The following TNC variants were observed in gnomAD, a reference collection of about 807,000 sequenced individuals.
The protein encoded by TNC is tenascin C, also known as tenascin.
Under a neutral mutation model 202.4 loss-of-function variants are expected in TNC, and 109 were observed. The ratio of observed to expected loss-of-function variants is 0.54; its 90% confidence interval spans 0.46 to 0.63. The LOEUF (loss-of-function observed/expected upper bound fraction) is 0.63, where lower values mean the gene tolerates loss of function less well. Ranked by LOEUF, TNC falls within the 30% of genes least tolerant of loss-of-function variation. The probability of loss-of-function intolerance (pLI) is 0.00; values close to 1 mark genes in which losing one functional copy is unlikely to be tolerated. For missense variants in TNC, 2,756 were observed against 2,833.3 expected (o/e 0.97, Z 0.62); for synonymous variants, 1,007 against 1,089.7 (o/e 0.92, Z 1.50).
rs1479210555 is a variant in TNC, at chr9:115,028,273, C to T, written c.6169+1087G>A. On this transcript the variant is annotated intron_variant, in intron 25 of 27. Transcript: ENST00000350763. ...TGCAGCATTCTTTCTTTCTAATAAA[C>T]GTTCCTTTTTCAAACCTATACTGTT... Among the ~76,000 whole-genome samples, 3 of 152,244 alleles carry T rather than the reference C, an allele frequency of 2.0e-5. 1 individual carries two copies. The highest frequency in any genetic ancestry group is 4.1e-4 in the South Asian group (2 of 4,826).
chr9:115,087,527 G>GGTGTGTGTGTGTGTGTGT (rs57327715), intron 2 of TNC, among the ~76,000 whole-genome samples: 3 of 148,844 alleles, frequency 2.0e-5, no homozygotes, highest in South Asian at 4.4e-4. Context: ...TATGCATAGG[G>GGTGTGTGTGTGTGTGTGT]GTGTGTGTGT....
chr9:115,076,723 G>T, intron 7 of TNC, 148 bp from the exon 8 acceptor site: 1 of 893,292 alleles, frequency 1.1e-6, no homozygotes, highest in Non-Finnish European at 1.7e-6. Context: ...CATAGTGGAT[G>T]TGCAAATCTA....
At chr9:115,065,120 G>A (rs556446701) in intron 10 of TNC, among the ~76,000 whole-genome samples, 2 of 152,304 alleles carry the variant, frequency 1.3e-5, no homozygotes, top group South Asian at 2.1e-4. Context: ...TTGTGGCCGG[G>A]CATGGTGGCT....
chr9:115,074,287 C>T (rs1016503419), intron 9 of TNC, among the ~76,000 whole-genome samples: 1 of 152,194 alleles, frequency 6.6e-6, no homozygotes, highest in African/African-American at 2.4e-5. Flanking sequence ...ATGTTGAAAC[C>T]TAATCCCCAA....
In TNC at chr9:115,048,560, T is replaced by C. The variant is rs761780658; in HGVS notation, c.4580-28A>G. 13 of 1,597,510 alleles carry C rather than the reference T, an allele frequency of 8.1e-6. No homozygotes were observed. The East Asian group carries it at 2.5e-4, about 30-fold the overall frequency. ...GAAAGAAGGGAGGAGTGAAAATAAC[T>C]CAGGTTAGCAGCACTGACTCTGTCA... On this transcript the variant is annotated intron_variant, in intron 15 of 27. Coordinates refer to ENST00000350763, the MANE Select transcript of TNC (RefSeq NM_002160.4).
At position 115,023,961 on chromosome 9, in the gene TNC, C is replaced by T. The variant is rs372583048; in HGVS notation, c.6495+12G>A. On this transcript the variant is annotated intron_variant, in intron 27 of 27. Coordinates refer to ENST00000350763, the MANE Select transcript of TNC (RefSeq NM_002160.4). ...AAGCTTGGCCTGCTCTGGGCCCTCACGGTCCACTCACCTGACTGTGGTTAT... is the reference window on the plus strand; with the variant it reads ...AAGCTTGGCCTGCTCTGGGCCCTCATGGTCCACTCACCTGACTGTGGTTAT... 18 of 1,611,306 alleles carry T rather than the reference C, an allele frequency of 1.1e-5. No homozygotes were observed. Among genetic ancestry groups the T allele is most frequent in the Admixed American group, 3.3e-5 (2 of 59,942 alleles).
At chr9:115,046,379 TTC>T (rs1430186395) in intron 17 of TNC, 29 bp downstream of exon 17, 1 of 1,607,846 alleles carries the variant, frequency 6.2e-7, no homozygotes, top group Admixed American at 1.7e-5. Flanking sequence ...GTCATGACTT[TTC>T]TCTGTTCTCT....
chr9:115,026,770 C>T (rs57060600), intron 25 of TNC, 75 bp from the exon 26 acceptor site: 17,107 of 1,496,990 alleles, frequency 0.011, 723 homozygotes, highest in Admixed American at 0.11. Flanking sequence ...TCTGTAAAAG[C>T]GGCAACTGGG....
chr9:115,035,468 T>A, intron 21 of TNC, 134 bp from the exon 22 acceptor site: 2 of 900,704 alleles, frequency 2.2e-6, no homozygotes, highest in South Asian at 1.8e-5. Context: ...AAGAACTTCC[T>A]CTGTATAAAT....
chr9:115,060,092 A>G, intron 13 of TNC, 90 bp from the exon 14 acceptor site: 1 of 1,352,994 alleles, frequency 7.4e-7, no homozygotes, highest in South Asian at 1.6e-5. Context: ...GAAAGAGAGA[A>G]AGGGGAAAGA....
intron 19 of TNC, among the ~76,000 whole-genome samples, chr9:115,040,529 T>C (rs1229550080): frequency 6.6e-6 from 1 of 152,234 alleles, no homozygotes; most frequent in Non-Finnish European, 1.5e-5. Context: ...CAGCTTCATG[T>C]GATCCTTACC....
Position 115,063,838 on chromosome 9 carries a change from G to A in TNC, c.3718C>T (p.Gln1240Ter). Residue 1240 changes from glutamine (Q) to a stop codon, truncating the protein, a stop_gained, in exon 12 of 28, where the codon CAG becomes TAG. Coordinates refer to ENST00000350763, the MANE Select transcript of TNC (RefSeq NM_002160.4). LOFTEE classifies it high-confidence loss of function. ...GAGAGAGGGGTTGTGCTGAAGTCCT[G>A]AGTGACCCCGCGGATGGTGATGGTA... ...HYTITIRGVTQDFSTTPLSVE... is the reference protein window; with the variant it reads ...HYTITIRGVT The A allele has an allele frequency of 6.2e-7, 1 of 1,614,170 alleles. No homozygotes were observed. The highest frequency in any genetic ancestry group is 8.5e-7 in the Non-Finnish European group (1 of 1,180,008).
chr9:115,073,538 G>C, intron 10 of TNC, 65 bp downstream of exon 10: 3 of 1,560,654 alleles, frequency 1.9e-6, no homozygotes, highest in Non-Finnish European at 2.6e-6. Context: ...AGGACACCCT[G>C]GCTGAGGAGA....
intron 22 of TNC, among the ~76,000 whole-genome samples, chr9:115,032,074 G>A (rs1188514201): frequency 1.3e-5 from 2 of 152,194 alleles, no homozygotes; most frequent in African/African-American, 4.8e-5. Flanking sequence ...GCTGAGCCAT[G>A]GGGCCCAGAT....
chr9:115,069,799 C>T, intron 10 of TNC, among the ~76,000 whole-genome samples: 1 of 107,092 alleles, frequency 9.3e-6, no homozygotes, highest in Non-Finnish European at 2.0e-5. Context: ...TTCCTTCCTT[C>T]CTCCCTTCCT....
chr9:115,076,191 G>T (rs1050051435), intron 8 of TNC, 70 bp from the exon 9 acceptor site: 2 of 1,526,504 alleles, frequency 1.3e-6, no homozygotes, highest in East Asian at 2.2e-5. Flanking sequence ...GATAAAAATG[G>T]CTTTGAGTTG....
At position 115,091,009 on chromosome 9, in the gene TNC, T is replaced by C. The variant is rs2133683066; in HGVS notation, c.10A>G (p.Met4Val). The C allele has an allele frequency of 6.2e-7, 1 of 1,610,124 alleles. No individual in the cohort carries two copies. Among genetic ancestry groups the C allele is most frequent in the Non-Finnish European group, 8.5e-7 (1 of 1,179,828 alleles). The change falls in exon 2 of 28, where the codon ATG becomes GTG. Residue 4 changes from methionine (M) to valine (V), a missense_variant. Met to Val is a conservative substitution (Grantham distance 21). Transcript: ENST00000350763. MGA[M>V]TQLLAGVFLA... ...AAGACACCTGCCAACAGCTGAGTCA[T>C]GGCCCCCATGGTGGAGGTGGGTTTG...
At position 115,057,158 on chromosome 9, in the gene TNC, G is replaced by A. The variant is rs776659022; in HGVS notation, c.4574C>T (p.Thr1525Met). 18 of 1,611,632 alleles carry A rather than the reference G, an allele frequency of 1.1e-5. No homozygotes were observed. Among genetic ancestry groups the A allele is most frequent in the Admixed American group, 3.3e-5 (2 of 59,874 alleles). Residue 1525 changes from threonine (T) to methionine (M), a missense_variant, in exon 15 of 28, where the codon ACG becomes ATG. Transcript: ENST00000350763. ...IRTKTISATA[T>M]TEALPLLENL... is the part of the protein sequence containing the mutation. ...ATGGGAGAATGCACATGTACCTGTCGTGGCTGTGGCACTGATGGTTTTGGT... is the reference window on the plus strand; with the variant it reads ...ATGGGAGAATGCACATGTACCTGTCATGGCTGTGGCACTGATGGTTTTGGT...
rs1164173860 is a variant in TNC at position 115,073,869 on chromosome 9, GGGA to G, written c.2951-6_2951-4del. ...AAGGTCCTTGGGCGTGTCCAACTCT[GGGA>G]GGAGAACAGAGAGATGAATGCTCTT... On this transcript the variant is annotated splice_polypyrimidine_tract_variant and splice_region_variant and intron_variant, in intron 9 of 27. Coordinates refer to ENST00000350763, the MANE Select transcript of TNC (RefSeq NM_002160.4). 2 of 1,607,336 alleles carry G rather than the reference GGGA, an allele frequency of 1.2e-6. No individual in the cohort carries two copies. The highest frequency in any genetic ancestry group is 2.2e-5 in the East Asian group (1 of 44,858).
Sources: allele counts gnomAD v4.1 joint callset (sites outside exome capture counted in the v4.1 genomes callset), GRCh38; gene constraint gnomAD v4.1.1; transcripts MANE v1.5; gene names NCBI Gene and HGNC (gene_info 2026-07-23, HGNC 2026-07-21).